Variants in TTK observed in about 807,000 individuals in gnomAD.
TTK encodes TTK protein kinase, also known as dual specificity protein kinase TTK.
In TTK, 59 loss-of-function variants were observed where a neutral mutation model predicts 117.3. That is an observed-to-expected ratio of 0.50 (90% CI 0.41 to 0.62). TTK has a LOEUF of 0.62. Among genes scored for constraint, TTK ranks in the 20% least tolerant of loss-of-function variants. The pLI, the probability that TTK is intolerant of heterozygous loss-of-function variation, is 0.00. For synonymous variants in TTK, 302 were observed against 325.0 expected, an observed-to-expected ratio of 0.93 and a Z score of 0.76; for missense variants, 921 against 989.4, an observed-to-expected ratio of 0.93 and a Z score of 0.93.
intron 11 of TTK, among the ~76,000 whole-genome samples, chr6:80,025,258 T>A (rs1767575404): frequency 6.6e-6 from 1 of 152,220 alleles, no homozygotes; most frequent in Non-Finnish European, 1.5e-5. Flanking sequence ...TCTTAAAATA[T>A]GTGCGTGCTT....
chr6:80,026,351 A>G (rs1411667354), intron 11 of TTK, 27 bp from the exon 12 acceptor site: 6 of 1,592,028 alleles, frequency 3.8e-6, no homozygotes, highest in Non-Finnish European at 5.1e-6. Flanking sequence ...TAAAAACTAA[A>G]TCATGGTGTT....
Position 80,036,581 on chromosome 6 carries a change from T to C in TTK, c.2031T>C (p.Ser677=). 6.2e-7 allele frequency: 1 copy of C among 1,609,778 alleles called. No homozygotes were observed. Among genetic ancestry groups the C allele is most frequent in the East Asian group, 2.2e-5 (1 of 44,696 alleles). The part of the protein sequence containing the change: ...IANQMQPDTT[S]VVKDSQVGTV... Reference sequence around the variant, plus strand: ...ACCAAATGCAACCAGATACAACAAGTGTTGTTAAAGATTCTCAGGTAAGAC... The same window carrying C: ...ACCAAATGCAACCAGATACAACAAGCGTTGTTAAAGATTCTCAGGTAAGAC... The change falls in exon 17 of 22, where the codon AGT becomes AGC. Residue 677 remains serine, a synonymous_variant. Transcript: ENST00000369798.
intron 5 of TTK, among the ~76,000 whole-genome samples, 182 bp from the exon 6 acceptor site, chr6:80,011,252 T>C (rs1767140121): frequency 6.6e-6 from 1 of 151,942 alleles, no homozygotes; most frequent in African/African-American, 2.4e-5. Flanking sequence ...AGTTATATAA[T>C]TTAAGAGAAT....
intron 11 of TTK, among the ~76,000 whole-genome samples, chr6:80,023,360 A>G (rs998190463): frequency 6.6e-5 from 10 of 152,326 alleles, no homozygotes; most frequent in South Asian, 4.1e-4. Flanking sequence ...TTGGGAGGCC[A>G]AGGCGGGCAG....
At chr6:80,028,492 AT>A (rs1382855808) in intron 13 of TTK, among the ~76,000 whole-genome samples, 1 of 151,176 alleles carries the variant, frequency 6.6e-6, no homozygotes, top group Non-Finnish European at 1.5e-5. Flanking sequence ...TAATTTTTGT[AT>A]TTTTACTAGA....
rs376382038 is a variant in TTK, at chr6:80,022,294, G to T, written c.1109-30G>T. 81 of 1,599,104 alleles carry T rather than the reference G, an allele frequency of 5.1e-5. No individual in the cohort carries two copies. The African/African-American group carries it at 8.8e-4, about 17-fold the overall frequency. On this transcript the variant is annotated intron_variant, in intron 10 of 21. Coordinates refer to ENST00000369798, the MANE Select transcript of TTK (RefSeq NM_003318.5). ...TAGTTTATTATGATCAAATATTCTT[G>T]CTTTTTAATGACAACAAATACAATT...
In TTK at chr6:80,034,921, T is replaced by G. The variant is rs544515883; in HGVS notation, c.1615-64T>G. On this transcript the variant is annotated intron_variant, in intron 14 of 21. Transcript: ENST00000369798. ...TCTCAACCTAAAATCCTAATAAATT[T>G]AGAATCATTGTGTGATAGTGTATAA... 36 of 1,266,190 alleles carry G rather than the reference T, an allele frequency of 2.8e-5. No individual in the cohort carries two copies. In the East Asian group the frequency reaches 1.0e-3, roughly 35 times the overall value. The allele number at this position is 1,266,190 out of a possible 1,614,324, so 78.4% of individuals were successfully genotyped here. A position where few individuals can be genotyped will look rare whatever the true frequency, so the allele number is the denominator to read the frequency against.
At chr6:80,011,686 A>T (rs1305495673) in intron 6 of TTK, 43 bp from the exon 7 acceptor site, 1 of 1,599,010 alleles carries the variant, frequency 6.3e-7, no homozygotes, top group South Asian at 1.1e-5. Flanking sequence ...ATACATATTA[A>T]TATTGTTCTT....
At chr6:80,020,615 G>T (rs1767433426) in intron 10 of TTK, among the ~76,000 whole-genome samples, 1 of 152,168 alleles carries the variant, frequency 6.6e-6, no homozygotes, top group Non-Finnish European at 1.5e-5. Context: ...AGAAAAACGG[G>T]CCATAATGTG....
intron 11 of TTK, 128 bp from the exon 12 acceptor site, chr6:80,026,250 A>G (rs1009383717): frequency 3.2e-6 from 3 of 950,356 alleles, no homozygotes; most frequent in Non-Finnish European, 3.0e-6. Flanking sequence ...ATATATGCCT[A>G]TCTCTTTTAG....
intron 11 of TTK, among the ~76,000 whole-genome samples, chr6:80,024,529 G>C (rs1767553535): frequency 6.6e-6 from 1 of 152,176 alleles, no homozygotes; most frequent in Non-Finnish European, 1.5e-5. Context: ...ATCCCATTTA[G>C]ATAAAATGGT....
chr6:80,039,867 T>A lies in TTK; in HGVS notation c.2302T>A (p.Leu768Ile), dbSNP rs749132511. ...DIPEKDLQDVLKCCLKRDPKQ... is the reference protein window; with the variant it reads ...DIPEKDLQDVIKCCLKRDPKQ... ...TCCAGAGAAAGATCTTCAAGATGTG[T>A]TAAAGGTAATATTAATTTCATGTAA... The change falls in exon 19 of 22, where the codon TTA (leucine) becomes ATA (isoleucine). Residue 768 changes from leucine (L) to isoleucine (I), a missense_variant. By Grantham distance (5) the Leu-to-Ile change is conservative (BLOSUM62 2). Transcript: ENST00000369798. 6.4e-7 allele frequency: 1 copy of A among 1,552,228 alleles called. No individual in the cohort carries two copies. Among genetic ancestry groups the A allele is most frequent in the African/African-American group, 1.4e-5 (1 of 72,018 alleles).
At chr6:80,008,339 T>A in intron 3 of TTK, 47 bp from the exon 4 acceptor site, 1 of 1,541,928 alleles carries the variant, frequency 6.5e-7, no homozygotes, top group Non-Finnish European at 8.8e-7. Context: ...CAAATTTAAG[T>A]AGCTATGTTC....
chr6:80,008,559 T>C, intron 4 of TTK, 67 bp downstream of exon 4: 1 of 1,372,248 alleles, frequency 7.3e-7, no homozygotes, highest in Admixed American at 2.2e-5. Context: ...CTTCCTAATA[T>C]TAAATCATAT....
chr6:80,019,325 TTAACCAAATGC>T (rs1238128380), intron 10 of TTK, among the ~76,000 whole-genome samples: 2 of 152,196 alleles, frequency 1.3e-5, no homozygotes, highest in Admixed American at 6.5e-5. Context: ...AGCAATTTTA[TTAACCAAATGC>T]TAGCAGTTGG....
chr6:80,026,547 G>A, intron 12 of TTK, 33 bp downstream of exon 12: 4 of 1,610,692 alleles, frequency 2.5e-6, no homozygotes, highest in Non-Finnish European at 3.4e-6. Context: ...TGATTGGCAG[G>A]GTGGTATGAT....
rs750878984 is a variant in TTK at position 80,011,888 on chromosome 6, A to G, written c.804A>G (p.Ser268=). Residue 268 remains serine, a splice_region_variant and synonymous_variant, in exon 8 of 22, where the codon TCA becomes TCG. Transcript: ENST00000369798. Reference sequence around the variant, plus strand: ...TTAATCTTTCAAAATATTTTTAGTCATGCCCATTTGGAAGAGTCCCAGTTA... The same window carrying G: ...TTAATCTTTCAAAATATTTTTAGTCGTGCCCATTTGGAAGAGTCCCAGTTA... ...SLRQTNKTKQ[S]CPFGRVPVNL... 3.2e-5 allele frequency: 51 copies of G among 1,612,346 alleles called. No individual in the cohort carries two copies. The highest frequency in any genetic ancestry group is 4.2e-5 in the Non-Finnish European group (49 of 1,179,056).
intron 4 of TTK, among the ~76,000 whole-genome samples, chr6:80,010,024 T>C (rs1289896994): frequency 6.6e-6 from 1 of 152,102 alleles, no homozygotes; most frequent in Non-Finnish European, 1.5e-5. Context: ...TAAAAATTTA[T>C]AAACTACCAG....
chr6:80,040,755 C>T (rs1433042919), intron 21 of TTK, 52 bp downstream of exon 21: 7 of 1,542,792 alleles, frequency 4.5e-6, no homozygotes, highest in South Asian at 2.4e-5. Context: ...ATAGTGAATT[C>T]GACACTTAAG....
Sources: gnomAD v4.1 joint callset for allele counts (sites outside exome capture counted in the v4.1 genomes callset) on GRCh38, gnomAD v4.1.1 for gene constraint, MANE v1.5 for transcripts, NCBI Gene and HGNC (gene_info 2026-07-23, HGNC 2026-07-21) for gene names.